GSR: variants seen among roughly 807,000 people sequenced by gnomAD.
GSR encodes the protein glutathione-disulfide reductase.
In GSR, 48 loss-of-function variants were observed where a neutral mutation model predicts 56.5. That is an observed-to-expected ratio of 0.85 (90% CI 0.67 to 1.08). The LOEUF is 1.08. Among genes scored for constraint, GSR ranks in the 50% least tolerant of loss-of-function variants. GSR has a pLI of 0.00. For missense variants in GSR, 694 were observed against 703.3 expected (o/e 0.99, Z 0.15); for synonymous variants, 264 against 270.8 (o/e 0.97, Z 0.25).
At chr8:30,717,833 C>A (rs1010218047) in intron 1 of GSR, among the ~76,000 whole-genome samples, 5 of 152,004 alleles carry the variant, frequency 3.3e-5, no homozygotes, top group Non-Finnish European at 7.4e-5. Flanking sequence ...GGGCGTGGTG[C>A]CGCAAGCCTG....
intron 6 of GSR, among the ~76,000 whole-genome samples, chr8:30,697,131 T>A (rs1445790588): frequency 6.6e-6 from 1 of 151,832 alleles, no homozygotes; most frequent in Non-Finnish European, 1.5e-5. Flanking sequence ...AACATAAAAG[T>A]AAGGCCAGGC....
intron 7 of GSR, among the ~76,000 whole-genome samples, 192 bp from the exon 8 acceptor site, chr8:30,693,247 T>A (rs1586043444): frequency 1.3e-5 from 2 of 152,314 alleles, no homozygotes; most frequent in East Asian, 3.9e-4. Flanking sequence ...GCAATACATA[T>A]GACTTCACCA....
rs138286932 is a variant in GSR at position 30,684,143 on chromosome 8, G to A, written c.1098C>T (p.Asn366=). 468 of 1,610,280 alleles carry A rather than the reference G, an allele frequency of 2.9e-4. No homozygotes were observed. In the African/African-American group the frequency reaches 5.8e-3, roughly 20 times the overall value. ...CCCCAACTGCATAGATGCCTTTGAC[G>A]TTGGTATTCTGGAATTCGTCTACGA... ...HIIVDEFQNT[N]VKGIYAVGDV... is the part of the protein sequence containing the mutation. The change falls in exon 10 of 13, where the codon AAC becomes AAT. Residue 366 remains asparagine (N), a synonymous_variant. Coordinates refer to ENST00000221130, the MANE Select transcript of GSR (RefSeq NM_000637.5).
intron 1 of GSR, among the ~76,000 whole-genome samples, chr8:30,725,158 A>G (rs531135673): frequency 1.8e-4 from 28 of 152,272 alleles, no homozygotes; most frequent in African/African-American, 6.7e-4. Flanking sequence ...AATACAAAAA[A>G]TGGGACAGGA....
intron 1 of GSR, among the ~76,000 whole-genome samples, chr8:30,714,587 T>C (rs1210255542): frequency 2.0e-5 from 3 of 152,136 alleles, no homozygotes; most frequent in African/African-American, 7.2e-5. Context: ...CTCAAACTCC[T>C]GGGCTCAAGC....
At chr8:30,724,542 A>AT (rs1804660226) in intron 1 of GSR, among the ~76,000 whole-genome samples, 1 of 40,668 alleles carries the variant, frequency 2.5e-5, no homozygotes, top group African/African-American at 8.0e-5. Context: ...CCAACCCCCC[A>AT]CCTTTTTTTT....
chr8:30,703,578 C>A (rs1007117944), intron 4 of GSR, among the ~76,000 whole-genome samples: 4 of 151,966 alleles, frequency 2.6e-5, no homozygotes, highest in African/African-American at 9.7e-5. Context: ...AAAACCCAGT[C>A]TCTACTAAAA....
Position 30,696,482 on chromosome 8 carries a change from G to A in GSR, c.696-3C>T, listed in dbSNP as rs779889177. The stretch of plus-strand genomic sequence containing the variant: ...CTGCACCAACAATGACGCTGCGGCT[G>A]AGACGCGAGCAGAGGGTTAGTATTC... On this transcript the variant is annotated splice_region_variant and splice_polypyrimidine_tract_variant and intron_variant, in intron 6 of 12. Coordinates refer to ENST00000221130, the MANE Select transcript of GSR (RefSeq NM_000637.5). The A allele has an allele frequency of 5.6e-6, 9 of 1,593,414 alleles. No individual in the cohort carries two copies. Among genetic ancestry groups the A allele is most frequent in the South Asian group, 4.4e-5 (4 of 90,666 alleles).
intron 1 of GSR, among the ~76,000 whole-genome samples, chr8:30,720,327 C>T (rs1804490357): frequency 6.6e-6 from 1 of 152,098 alleles, no homozygotes; most frequent in South Asian, 2.1e-4. Context: ...AATTCAAGAC[C>T]AGAATGAGAA....
chr8:30,698,012 C>G (rs1219671531), intron 6 of GSR, among the ~76,000 whole-genome samples: 1 of 152,102 alleles, frequency 6.6e-6, no homozygotes. Context: ...ATCTTTCAGG[C>G]GGCTGAATCC....
At position 30,707,890 on chromosome 8, in the gene GSR, G is replaced by T. The variant is rs568903130; in HGVS notation, c.492+182C>A. 9.2e-5 allele frequency among the ~76,000 whole-genome samples: 14 copies of T among 152,234 alleles called. 1 individual carries two copies. The highest frequency in any genetic ancestry group is 5.9e-4 in the Admixed American group (9 of 15,264). On this transcript the variant is annotated intron_variant, in intron 4 of 12. Coordinates refer to ENST00000221130, the MANE Select transcript of GSR (RefSeq NM_000637.5). Reference sequence around the variant, plus strand: ...GAGAATTGCTTGAACTCAGGAGGCGGAGGTTGCAGTGAGCCGAGATTGCGC... The same window carrying T: ...GAGAATTGCTTGAACTCAGGAGGCGTAGGTTGCAGTGAGCCGAGATTGCGC...
At chr8:30,686,829 TGTTTTTTTTTGG>T (rs1025459986) in intron 9 of GSR, among the ~76,000 whole-genome samples, 5 of 151,584 alleles carry the variant, frequency 3.3e-5, no homozygotes, top group African/African-American at 1.2e-4. Flanking sequence ...TTTCTTTTGG[TGTTTTTTTTTGG>T]TTTTTTTTTT....
rs923608020 is a variant in GSR, at chr8:30,713,040, C to CT, written c.307-953dup. Among the ~76,000 whole-genome samples, 428 of 145,680 alleles carry CT rather than the reference C, an allele frequency of 2.9e-3. 9 individuals are homozygous for CT. In the East Asian group the frequency reaches 0.041, roughly 14 times the overall value. ...AGAAAAAGCAAGACTCAGAAAACTACTTTTTTTTTTTTTTGAGACGGAGTC... is the reference window on the plus strand; with the variant it reads ...AGAAAAAGCAAGACTCAGAAAACTACTTTTTTTTTTTTTTTGAGACGGAGTC... On this transcript the variant is annotated intron_variant, in intron 1 of 12. Coordinates refer to ENST00000221130, the MANE Select transcript of GSR (RefSeq NM_000637.5).
intron 5 of GSR, among the ~76,000 whole-genome samples, chr8:30,701,669 T>C (rs2128743937): frequency 6.6e-6 from 1 of 151,430 alleles, no homozygotes; most frequent in South Asian, 2.1e-4. Flanking sequence ...GGTATGTGCC[T>C]GTAGTACCAG....
chr8:30,692,285 A>G (rs1185712508), intron 8 of GSR, among the ~76,000 whole-genome samples: 18 of 140,634 alleles, frequency 1.3e-4, no homozygotes, highest in Non-Finnish European at 2.1e-4. Context: ...GCTCACCACA[A>G]CCTCCACCTC....
At chr8:30,727,378 G>A in intron 1 of GSR, 152 bp downstream of exon 1, 1 of 754,774 alleles carries the variant, frequency 1.3e-6, no homozygotes, top group South Asian at 1.8e-5. Context: ...CCACCTGCTG[G>A]GTTCCTGGCT....
rs182248292 is a variant in GSR, at chr8:30,716,814, A to C, written c.307-4726T>G. 9.2e-5 allele frequency among the ~76,000 whole-genome samples: 14 copies of C among 152,268 alleles called. No homozygotes were observed. The East Asian group carries it at 2.5e-3, about 27-fold the overall frequency. ...AGAATGAGACCCTATCTCAAAAAAT[A>C]CACATACACTTAGTTCCAGTGAGAG... is the stretch of plus-strand genomic sequence containing the variant. On this transcript the variant is annotated intron_variant, in intron 1 of 12. Coordinates refer to ENST00000221130, the MANE Select transcript of GSR (RefSeq NM_000637.5).
intron 1 of GSR, among the ~76,000 whole-genome samples, chr8:30,715,832 T>C (rs976386652): frequency 1.3e-5 from 2 of 152,348 alleles, no homozygotes; most frequent in Admixed American, 6.5e-5. Flanking sequence ...TCATGTATAT[T>C]TGAAGCTACT....
At chr8:30,690,306 C>T (rs931421993) in intron 8 of GSR, among the ~76,000 whole-genome samples, 7 of 151,662 alleles carry the variant, frequency 4.6e-5, no homozygotes, top group East Asian at 1.9e-4. Context: ...ACAACAGGCA[C>T]GTGCTACCTC....
Sources: allele counts gnomAD v4.1 joint callset (sites outside exome capture counted in the v4.1 genomes callset), GRCh38; gene constraint gnomAD v4.1.1; transcripts MANE v1.5; gene names NCBI Gene and HGNC (gene_info 2026-07-23, HGNC 2026-07-21).